Variants in CNTLN observed in about 807,000 individuals in gnomAD.
The protein encoded by CNTLN is centlein, centrosomal protein.
Under a neutral mutation model 180.0 loss-of-function variants are expected in CNTLN, and 212 were observed. The observed-to-expected ratio is 1.18, with a 90% confidence interval of 1.05 to 1.32. The LOEUF (loss-of-function observed/expected upper bound fraction) is 1.32, where lower values mean the gene tolerates loss of function less well. Ranked by LOEUF, CNTLN falls within the 40% of genes most tolerant of loss-of-function variation. CNTLN has a pLI of 0.00. For missense variants in CNTLN, 2,095 were observed against 1,610.9 expected (o/e 1.30, Z -5.14); for synonymous variants, 722 against 563.1 (o/e 1.28, Z -3.99).
chr9:17,492,443 T>C (rs1363122811), intron 25 of CNTLN, among the ~76,000 whole-genome samples: 1 of 152,160 alleles, frequency 6.6e-6, no homozygotes, highest in Non-Finnish European at 1.5e-5. Context: ...GCTAATTCAA[T>C]TGCTGTATCT....
the CNTLN span, among the ~76,000 whole-genome samples, chr9:17,526,932 C>CTGTT: frequency 4.6e-5 from 7 of 152,116 alleles, no homozygotes; most frequent in East Asian, 1.4e-3. Context: ...GGCTGGAGTT[C>CTGTT]TGTTGTGCAA....
At chr9:17,406,334 C>T (rs1490720196) in intron 15 of CNTLN, among the ~76,000 whole-genome samples, 1 of 151,764 alleles carries the variant, frequency 6.6e-6, no homozygotes, top group Non-Finnish European at 1.5e-5. Flanking sequence ...TCCTAACCAC[C>T]CTCCCTGCTT....
At chr9:17,283,034 T>C (rs185795731) in intron 6 of CNTLN, among the ~76,000 whole-genome samples, 3 of 152,352 alleles carry the variant, frequency 2.0e-5, no homozygotes, top group Admixed American at 2.0e-4. Flanking sequence ...TGCCACTGGC[T>C]TTGTTCTTTT....
the CNTLN span, among the ~76,000 whole-genome samples, chr9:17,513,013 G>A: frequency 2.0e-5 from 3 of 151,974 alleles, no homozygotes; most frequent in Non-Finnish European, 4.4e-5. Flanking sequence ...AGAGATGGGG[G>A]TTTCACCGTG....
At position 17,345,681 on chromosome 9, in the gene CNTLN, A is replaced by G. The variant is rs139083462; in HGVS notation, c.1886+3237A>G. 7.6e-3 allele frequency among the ~76,000 whole-genome samples: 1,162 copies of G among 152,176 alleles called. 9 individuals are homozygous for G. Among genetic ancestry groups the G allele is most frequent in the African/African-American group, 0.026 (1,099 of 41,564 alleles). ...CCTTTACCCTTCTCCATTATAATAC[A>G]GTTATCTCAAATATTTTCTCTAATT... On this transcript the variant is annotated intron_variant, in intron 12 of 25. Coordinates refer to ENST00000380647, the MANE Select transcript of CNTLN (RefSeq NM_017738.4).
At chr9:17,278,101 C>T (rs1828429366) in intron 6 of CNTLN, among the ~76,000 whole-genome samples, 1 of 152,100 alleles carries the variant, frequency 6.6e-6, no homozygotes, top group Non-Finnish European at 1.5e-5. Flanking sequence ...AGAGAGTGAG[C>T]TGGGTAAATA....
chr9:17,460,352 G>T (rs1384691654), intron 19 of CNTLN, among the ~76,000 whole-genome samples: 4 of 151,690 alleles, frequency 2.6e-5, no homozygotes, highest in African/African-American at 9.7e-5. Flanking sequence ...TTTTACCATT[G>T]TGACATTTTT....
intron 25 of CNTLN, chr9:17,495,045 A>T (rs1564152539): frequency 2.6e-6 from 1 of 388,380 alleles, no homozygotes; most frequent in African/African-American, 2.1e-5. Context: ...TGCCCAGCTA[A>T]TTTTTTTTAT....
At chr9:17,488,285 T>C (rs1026402686) in intron 25 of CNTLN, among the ~76,000 whole-genome samples, 4 of 151,998 alleles carry the variant, frequency 2.6e-5, no homozygotes, top group African/African-American at 9.7e-5. Flanking sequence ...AGTGTAGATG[T>C]GCAGGTGCTA....
the CNTLN span, among the ~76,000 whole-genome samples, chr9:17,528,429 G>A: frequency 3.9e-5 from 6 of 152,182 alleles, no homozygotes; most frequent in African/African-American, 7.2e-5. Context: ...CAGTGAAGAA[G>A]CATCCTACAA....
intron 8 of CNTLN, among the ~76,000 whole-genome samples, chr9:17,316,475 GA>G (rs897541781): frequency 6.6e-6 from 1 of 151,996 alleles, no homozygotes; most frequent in African/African-American, 2.4e-5. Flanking sequence ...ATTGTAAGTT[GA>G]AAATATTGCA....
chr9:17,263,959 G>A (rs1415836304), intron 5 of CNTLN, among the ~76,000 whole-genome samples: 1 of 143,440 alleles, frequency 7.0e-6, no homozygotes, highest in Admixed American at 6.9e-5. Flanking sequence ...TGTCAGATGA[G>A]TAGGTTGCGA....
At chr9:17,305,370 T>G (rs962008595) in intron 7 of CNTLN, among the ~76,000 whole-genome samples, 1 of 152,178 alleles carries the variant, frequency 6.6e-6, no homozygotes, top group Non-Finnish European at 1.5e-5. Context: ...CTTTTTGGAT[T>G]ATTAGAGGAA....
intron 2 of CNTLN, among the ~76,000 whole-genome samples, chr9:17,171,835 C>G (rs571029291): frequency 9.9e-5 from 15 of 152,016 alleles, no homozygotes; most frequent in African/African-American, 3.4e-4. Context: ...ATAGGTAGCT[C>G]CAGGGTCCAG....
chr9:17,394,421 A>G (rs1467478642), intron 14 of CNTLN, 113 bp from the exon 15 acceptor site: 6 of 873,260 alleles, frequency 6.9e-6, no homozygotes, highest in African/African-American at 6.7e-5. Flanking sequence ...AGTACTTTAT[A>G]TTTATTTTGT....
chr9:17,369,147 A>G (rs924752544), intron 13 of CNTLN, among the ~76,000 whole-genome samples: 1 of 152,100 alleles, frequency 6.6e-6, no homozygotes, highest in African/African-American at 2.4e-5. Flanking sequence ...TGCTGCTCTC[A>G]TGATAGTGAG....
intron 15 of CNTLN, among the ~76,000 whole-genome samples, chr9:17,401,950 C>A (rs1464116500): frequency 2.0e-5 from 3 of 151,728 alleles, no homozygotes; most frequent in Non-Finnish European, 4.4e-5. Flanking sequence ...AGATCATCTA[C>A]AAATTATATA....
chr9:17,193,737 C>T (rs901069992), intron 2 of CNTLN, among the ~76,000 whole-genome samples: 1 of 152,198 alleles, frequency 6.6e-6, no homozygotes, highest in Admixed American at 6.5e-5. Context: ...CCTCTTCTCA[C>T]AGTTCCACTA....
intron 25 of CNTLN, among the ~76,000 whole-genome samples, chr9:17,493,291 A>G (rs372957134): frequency 2.3e-4 from 35 of 152,300 alleles, no homozygotes; most frequent in African/African-American, 7.0e-4. Flanking sequence ...TATAGTCAAT[A>G]TATGTGGGGA....
Sources: gnomAD v4.1 joint callset for allele counts (sites outside exome capture counted in the v4.1 genomes callset) on GRCh38, gnomAD v4.1.1 for gene constraint, MANE v1.5 for transcripts, NCBI Gene and HGNC (gene_info 2026-07-23, HGNC 2026-07-21) for gene names.